The following PRPSAP2 variants were observed in gnomAD, a reference collection of about 807,000 sequenced individuals.
PRPSAP2 encodes the protein phosphoribosyl pyrophosphate synthase-associated protein 2.
Under a neutral mutation model 40.6 loss-of-function variants are expected in PRPSAP2, and 24 were observed. The ratio of observed to expected loss-of-function variants is 0.59; its 90% CI spans 0.43 to 0.83. The LOEUF (loss-of-function observed/expected upper bound fraction) is 0.83, where lower values mean the gene tolerates loss of function less well. Ranked by LOEUF, PRPSAP2 falls within the 40% of genes least tolerant of loss-of-function variation. The probability of loss-of-function intolerance (pLI) is 0.00; values close to 1 mark genes in which losing one functional copy is unlikely to be tolerated. For synonymous variants in PRPSAP2, 149 were observed against 164.7 expected (o/e 0.90, Z 0.73); for missense variants, 292 against 465.6 (o/e 0.63, Z 3.43).
rs139988966 is a variant in PRPSAP2 at position 18,919,191 on chromosome 17, C to A, written c.734-4723C>A. 3.9e-5 allele frequency among the ~76,000 whole-genome samples: 6 copies of A among 152,196 alleles called. No individual in the cohort carries two copies. The East Asian group carries it at 1.2e-3, about 29-fold the overall frequency. ...GACCAGCCTGGGCAACATAGCACAA[C>A]CCCGTTTCTACAAAAAGTTTAAAAA... On this transcript the variant is annotated intron_variant, in intron 9 of 11. Transcript: ENST00000268835.
At chr17:18,920,996 CTT>C (rs1419644691) in intron 9 of PRPSAP2, among the ~76,000 whole-genome samples, 1 of 149,464 alleles carries the variant, frequency 6.7e-6, no homozygotes, top group African/African-American at 2.5e-5. Context: ...ACAGCAATTT[CTT>C]TTTTTTTTCT....
At chr17:18,860,448 A>G (rs1309908745) in intron 1 of PRPSAP2, 1 of 152,250 alleles carries the variant, frequency 6.6e-6, no homozygotes, top group Admixed American at 6.5e-5. Flanking sequence ...TTCAGCAATC[A>G]TTTGTTTAGC....
At chr17:18,877,412 T>C (rs1248979037) in intron 5 of PRPSAP2, among the ~76,000 whole-genome samples, 1 of 152,220 alleles carries the variant, frequency 6.6e-6, no homozygotes, top group Non-Finnish European at 1.5e-5. Flanking sequence ...CATGGAAATT[T>C]CCTCTGACTG....
At chr17:18,885,398 T>G (rs1420039284) in intron 7 of PRPSAP2, among the ~76,000 whole-genome samples, 1 of 27,580 alleles carries the variant, frequency 3.6e-5, no homozygotes, top group Admixed American at 4.4e-4. Flanking sequence ...TGAGATTCCT[T>G]CTCACAAAAA....
At chr17:18,882,540 A>G (rs769849825) in intron 6 of PRPSAP2, 28 bp from the exon 7 acceptor site, 12 of 1,378,248 alleles carry the variant, frequency 8.7e-6, no homozygotes. Context: ...AAAACTATTT[A>G]TTGCTTGTGT....
Position 18,929,985 on chromosome 17 carries a change from G to C in PRPSAP2, c.952-555G>C, listed in dbSNP as rs528071860. 4.1e-4 allele frequency among the ~76,000 whole-genome samples: 62 copies of C among 152,236 alleles called. No individual in the cohort carries two copies. In the South Asian group the frequency reaches 5.8e-3, roughly 14 times the overall value. On this transcript the variant is annotated intron_variant, in intron 11 of 11. Transcript: ENST00000268835. Reference sequence around the variant, plus strand: ...TTACATTCCCACAGCCGTGAGTTGGGGGGGGGCTCCAGTTTCTCTGCATCC... The same window carrying C: ...TTACATTCCCACAGCCGTGAGTTGGCGGGGGGCTCCAGTTTCTCTGCATCC...
At chr17:18,928,984 A>ACAG (rs777264608) in intron 11 of PRPSAP2, 27 bp downstream of exon 11, 3 of 1,599,150 alleles carry the variant, frequency 1.9e-6, no homozygotes. Flanking sequence ...GTGTGTGGGT[A>ACAG]CAGCTGCCTG....
intron 8 of PRPSAP2, among the ~76,000 whole-genome samples, chr17:18,898,042 A>T (rs1327285835): frequency 7.7e-6 from 1 of 129,146 alleles, no homozygotes; most frequent in Admixed American, 9.4e-5. Context: ...CTCTGTCACC[A>T]GGTTGGAGTG....
chr17:18,923,298 G>C (rs776872432), intron 9 of PRPSAP2, among the ~76,000 whole-genome samples: 5 of 139,878 alleles, frequency 3.6e-5, no homozygotes, highest in Admixed American at 7.6e-5. Context: ...AGTAGAGACA[G>C]GGTTTCACCA....
At chr17:18,907,903 A>G (rs1325738985) in intron 8 of PRPSAP2, among the ~76,000 whole-genome samples, 1 of 152,186 alleles carries the variant, frequency 6.6e-6, no homozygotes, top group African/African-American at 2.4e-5. Flanking sequence ...TTGGGATGCC[A>G]AGGCCGGCAG....
chr17:18,925,611 C>T (rs1261279291), intron 10 of PRPSAP2, among the ~76,000 whole-genome samples: 1 of 152,162 alleles, frequency 6.6e-6, no homozygotes, highest in Non-Finnish European at 1.5e-5. Context: ...TGAACATCCT[C>T]GTGCCTATTT....
At chr17:18,907,864 C>T (rs189670027) in intron 8 of PRPSAP2, among the ~76,000 whole-genome samples, 3 of 152,216 alleles carry the variant, frequency 2.0e-5, no homozygotes, top group East Asian at 1.9e-4. Flanking sequence ...AGGCCAGGCG[C>T]GGTGGCTCAT....
At chr17:18,908,295 A>G in intron 8 of PRPSAP2, 1 of 776,116 alleles carries the variant, frequency 1.3e-6, no homozygotes, top group Non-Finnish European at 2.4e-6. Context: ...GACACTCATG[A>G]GGACCATGAT....
chr17:18,911,488 A>G lies in PRPSAP2; in HGVS notation c.733+237A>G, dbSNP rs1435462314. ...GTGAAAATGTTTGGACTATTGAGAC[A>G]GTTGCAATGCTTCAGGGAAGTCCAT... On this transcript the variant is annotated intron_variant, in intron 9 of 11. Transcript: ENST00000268835. The surrounding 1 kb of genome is among the most constrained non-coding windows in gnomAD (Gnocchi z 4.5). 1.3e-5 allele frequency among the ~76,000 whole-genome samples: 2 copies of G among 152,224 alleles called. No homozygotes were observed. Among genetic ancestry groups the G allele is most frequent in the Admixed American group, 6.6e-5 (1 of 15,264 alleles).
At chr17:18,909,114 TAGG>T (rs548735999) in intron 8 of PRPSAP2, among the ~76,000 whole-genome samples, 187 of 152,258 alleles carry the variant, frequency 1.2e-3, no homozygotes, top group African/African-American at 4.2e-3. Context: ...CCAGACTGGT[TAGG>T]AGAAAACAAG....
rs547193379 is a variant in PRPSAP2, at chr17:18,911,426, G to A, written c.733+175G>A. 6.6e-6 allele frequency among the ~76,000 whole-genome samples: 1 copy of A among 152,064 alleles called. No individual in the cohort carries two copies. The highest frequency in any genetic ancestry group is 1.9e-4 in the East Asian group (1 of 5,206). On this transcript the variant is annotated intron_variant, in intron 9 of 11. Coordinates refer to ENST00000268835, the MANE Select transcript of PRPSAP2 (RefSeq NM_002767.4). The surrounding 1 kb of genome is among the most constrained non-coding windows in gnomAD (Gnocchi z 4.5). ...TTCTGATTACCTTGTAAATTGTAAG[G>A]CCGTTTAGAAGCAGTCTGTCCTTCT... is the stretch of plus-strand genomic sequence containing the variant.
intron 9 of PRPSAP2, among the ~76,000 whole-genome samples, chr17:18,923,256 ATTTTTTTTTTT>A: frequency 9.5e-6 from 1 of 105,398 alleles, no homozygotes; most frequent in South Asian, 3.1e-4. Flanking sequence ...CACTTGGCTA[ATTTTTTTTTTT>A]TTTTTTTTTT....
intron 6 of PRPSAP2, among the ~76,000 whole-genome samples, chr17:18,882,037 C>T (rs2038792731): frequency 6.7e-6 from 1 of 149,770 alleles, no homozygotes; most frequent in African/African-American, 2.5e-5. Context: ...GATGGGGTTT[C>T]ATCATATTGG....
In PRPSAP2 at chr17:18,909,418, ATT is replaced by A. The variant is rs376420823; in HGVS notation, c.585-1679_585-1678del. 7.9e-5 allele frequency among the ~76,000 whole-genome samples: 12 copies of A among 151,360 alleles called. 1 individual carries two copies. The East Asian group carries it at 1.4e-3, about 17-fold the overall frequency. ...CACCCAGTCCGGCTAATTTTTTTGTATTTTTTTAGTAGAGACGGGGTTTCACC... is the reference window on the plus strand; with the variant it reads ...CACCCAGTCCGGCTAATTTTTTTGTATTTTTAGTAGAGACGGGGTTTCACC... On this transcript the variant is annotated intron_variant, in intron 8 of 11. Coordinates refer to ENST00000268835, the MANE Select transcript of PRPSAP2 (RefSeq NM_002767.4).
Sources: allele counts gnomAD v4.1 joint callset (sites outside exome capture counted in the v4.1 genomes callset), GRCh38; gene constraint gnomAD v4.1.1; non-coding constraint Gnocchi (gnomAD v3.1); transcripts MANE v1.5; gene names NCBI Gene and HGNC (gene_info 2026-07-23, HGNC 2026-07-21).